The following SERINC1 variants were observed in gnomAD, a reference collection of about 807,000 sequenced individuals.
SERINC1 encodes the protein serine incorporator 1, also known as tumor differentially expressed protein 2.
In SERINC1, 38 loss-of-function variants were observed where a neutral mutation model predicts 52.9. The observed-to-expected ratio is 0.72, with a 90% confidence interval of 0.55 to 0.94. The LOEUF (loss-of-function observed/expected upper bound fraction) is 0.94. Ranked by LOEUF, SERINC1 falls within the 40% of genes least tolerant of loss-of-function variation. SERINC1 has a pLI of 0.00. For missense variants in SERINC1, 471 were observed against 533.9 expected (o/e 0.88, Z 1.16); for synonymous variants, 198 against 183.1 (o/e 1.08, Z -0.66).
At chr6:122,448,272 C>T (rs1368331984) in intron 7 of SERINC1, among the ~76,000 whole-genome samples, 1 of 151,962 alleles carries the variant, frequency 6.6e-6, no homozygotes, top group Non-Finnish European at 1.5e-5. Flanking sequence ...AAGCAAACTA[C>T]TAATAATTTT....
intron 1 of SERINC1, among the ~76,000 whole-genome samples, chr6:122,467,832 G>A (rs1196191529): frequency 6.6e-6 from 1 of 152,208 alleles, no homozygotes; most frequent in Non-Finnish European, 1.5e-5. Flanking sequence ...ACATCAATGT[G>A]TGTGTGTGAT....
chr6:122,446,706 G>T, intron 9 of SERINC1, 68 bp downstream of exon 9: 1 of 1,046,630 alleles, frequency 9.6e-7, no homozygotes, highest in Non-Finnish European at 1.5e-6. Flanking sequence ...TCACATCATG[G>T]TTTCACAAGA....
At chr6:122,468,324 T>C (rs1050481054) in intron 1 of SERINC1, among the ~76,000 whole-genome samples, 1 of 152,338 alleles carries the variant, frequency 6.6e-6, no homozygotes, top group East Asian at 1.9e-4. Context: ...CTATACATTG[T>C]AGATTTAGCA....
Position 122,444,974 on chromosome 6 carries a change from T to C in SERINC1, c.*70A>G. On this transcript the variant is annotated 3_prime_UTR_variant, in exon 10 of 10. Coordinates refer to ENST00000339697, the MANE Select transcript of SERINC1 (RefSeq NM_020755.4). ...TGGGAAGCAAAAACATACACAACTT[T>C]ACAAAAGTTGGGAATACTGTTTTCA... 2 of 1,493,582 alleles carry C rather than the reference T, an allele frequency of 1.3e-6. No homozygotes were observed. Among genetic ancestry groups the C allele is most frequent in the Admixed American group, 1.9e-5 (1 of 52,420 alleles). The allele number at this position is 1,493,582 out of a possible 1,614,324, so 92.5% of individuals were successfully genotyped here.
At chr6:122,455,926 C>T (rs1774984683) in intron 3 of SERINC1, among the ~76,000 whole-genome samples, 1 of 151,906 alleles carries the variant, frequency 6.6e-6, no homozygotes, top group Non-Finnish European at 1.5e-5. Context: ...AAAAGCAACC[C>T]GTCACATATT....
At chr6:122,470,165 A>G (rs1775255240) in intron 1 of SERINC1, among the ~76,000 whole-genome samples, 1 of 152,180 alleles carries the variant, frequency 6.6e-6, no homozygotes, top group South Asian at 2.1e-4. Context: ...CACTACGACC[A>G]TCCCCTGCAC....
chr6:122,453,314 T>C (rs1188577076), intron 5 of SERINC1, among the ~76,000 whole-genome samples: 1 of 152,232 alleles, frequency 6.6e-6, no homozygotes, highest in Non-Finnish European at 1.5e-5. Context: ...TTGTTATTGA[T>C]GCACATAAAA....
chr6:122,451,109 C>T (rs1186105345), intron 7 of SERINC1, among the ~76,000 whole-genome samples: 1 of 152,082 alleles, frequency 6.6e-6, no homozygotes, highest in Admixed American at 6.6e-5. Context: ...AAGGAGGAGT[C>T]AATCAATGGG....
At position 122,443,494 on chromosome 6, in the gene SERINC1, G is replaced by A. The variant is rs924245762; in HGVS notation, c.*1550C>T. 1 of 152,186 alleles carries A rather than the reference G, an allele frequency of 6.6e-6. No individual in the cohort carries two copies. Among genetic ancestry groups the A allele is most frequent in the African/African-American group, 2.4e-5 (1 of 41,458 alleles). 9.4% of individuals were successfully genotyped at this position (152,186 alleles called of 1,614,324 possible). A position where few individuals can be genotyped will look rare whatever the true frequency, so the allele number is the denominator to read the frequency against. ...AATAAATATTTTTAAAGAAGAAATT[G>A]TAGATTTTAAAAGCTTCATTAGACA... On this transcript the variant is annotated 3_prime_UTR_variant, in exon 10 of 10. Transcript: ENST00000339697.
chr6:122,454,383 T>C (rs1204778618), intron 3 of SERINC1, 153 bp from the exon 4 acceptor site: 2 of 564,002 alleles, frequency 3.5e-6, no homozygotes, highest in African/African-American at 3.9e-5. Context: ...TGTAGCCATA[T>C]TTGTAACTAC....
Position 122,458,546 on chromosome 6 carries a change from G to T in SERINC1, c.175C>A (p.Pro59Thr). Residue 59 changes from proline to threonine, a missense_variant, in exon 2 of 10, where the codon CCA becomes ACA. Pro to Thr is a conservative substitution (Grantham distance 38). Transcript: ENST00000339697. Reference protein sequence around the residue: ...GVCVACVMLIPGMEEQLNKIP... With the variant: ...GVCVACVMLITGMEEQLNKIP... ...TTATTCAGTTGTTCTTCCATTCCTG[G>T]TATCAACATTACACAAGCTACACAT... 1.2e-6 allele frequency: 2 copies of T among 1,612,272 alleles called. No individual in the cohort carries two copies. Among genetic ancestry groups the T allele is most frequent in the Non-Finnish European group, 1.7e-6 (2 of 1,178,922 alleles).
intron 1 of SERINC1, among the ~76,000 whole-genome samples, chr6:122,469,722 T>C (rs542990861): frequency 1.3e-4 from 20 of 149,560 alleles, no homozygotes; most frequent in Admixed American, 7.9e-4. Flanking sequence ...TACCCAGCTA[T>C]TTTTTTTTGT....
chr6:122,455,629 C>A (rs1378864555), intron 3 of SERINC1, among the ~76,000 whole-genome samples: 2 of 152,114 alleles, frequency 1.3e-5, no homozygotes. Flanking sequence ...CCTATTAGTT[C>A]TGTCCCTCTA....
At position 122,471,688 on chromosome 6, in the gene SERINC1, A is replaced by G; in HGVS notation, c.39+11T>C. 1.2e-6 allele frequency: 2 copies of G among 1,613,964 alleles called. No individual in the cohort carries two copies. Among genetic ancestry groups the G allele is most frequent in the Non-Finnish European group, 1.7e-6 (2 of 1,179,936 alleles). On this transcript the variant is annotated intron_variant, in intron 1 of 9. Coordinates refer to ENST00000339697, the MANE Select transcript of SERINC1 (RefSeq NM_020755.4). Reference sequence around the variant, plus strand: ...ACACTAGCACCCCAGAGGCCGCAAAAAGCACCTTACCCAGCTCGCCATGGA... The same window carrying G: ...ACACTAGCACCCCAGAGGCCGCAAAGAGCACCTTACCCAGCTCGCCATGGA...
chr6:122,447,239 T>C lies in SERINC1; in HGVS notation c.877A>G (p.Ser293Gly), dbSNP rs1472972131. Residue 293 changes from serine (S) to glycine (G), a missense_variant, in exon 8 of 10, where the codon AGC (serine) becomes GGC (glycine). Ser to Gly is a moderately conservative substitution (Grantham distance 56). Transcript: ENST00000339697. ...CTTGTTGTATTGTAGCCAATTATGC[T>C]TAGTAGACTTGGGTTGCAATTTGTT... Reference protein sequence around the residue: ...PETNCNPSLLSIIGYNTTSTV... With the variant: ...PETNCNPSLLGIIGYNTTSTV... 6.2e-7 allele frequency: 1 copy of C among 1,611,718 alleles called. No homozygotes were observed. Among genetic ancestry groups the C allele is most frequent in the Non-Finnish European group, 8.5e-7 (1 of 1,178,230 alleles).
intron 7 of SERINC1, among the ~76,000 whole-genome samples, chr6:122,448,847 GT>G (rs1432386984): frequency 7.1e-6 from 1 of 140,440 alleles, no homozygotes; most frequent in Admixed American, 7.4e-5. Context: ...CAAATTGAAG[GT>G]TTGTGGCAAC....
intron 9 of SERINC1, among the ~76,000 whole-genome samples, chr6:122,446,499 C>T (rs982524446): frequency 3.3e-5 from 5 of 151,806 alleles, no homozygotes; most frequent in Non-Finnish European, 5.9e-5. Context: ...AATGTTAGAT[C>T]CACTATCAAC....
At chr6:122,455,356 A>G (rs1440771376) in intron 3 of SERINC1, among the ~76,000 whole-genome samples, 1 of 152,072 alleles carries the variant, frequency 6.6e-6, no homozygotes, top group Non-Finnish European at 1.5e-5. Flanking sequence ...CTGGGTGGGC[A>G]CCATCTAATC....
intron 1 of SERINC1, among the ~76,000 whole-genome samples, chr6:122,469,669 C>T (rs912759608): frequency 1.3e-5 from 2 of 152,206 alleles, no homozygotes; most frequent in Non-Finnish European, 2.9e-5. Context: ...AATTCTCCTG[C>T]CTCAGCCTCC....
Sources: gnomAD v4.1 joint callset for allele counts (sites outside exome capture counted in the v4.1 genomes callset) on GRCh38, gnomAD v4.1.1 for gene constraint, MANE v1.5 for transcripts, NCBI Gene and HGNC (gene_info 2026-07-23, HGNC 2026-07-21) for gene names.